Variants in GLT1D1 observed in about 807,000 individuals in gnomAD.
GLT1D1 encodes the protein glycosyltransferase 1 domain-containing protein 1.
A neutral mutation model predicts 28.7 loss-of-function variants in GLT1D1; 21 were observed. The observed-to-expected ratio is 0.73, with a 90% CI of 0.52 to 1.05. The LOEUF is 1.05. GLT1D1 is among the 50% of genes least tolerant of loss of function. GLT1D1 has a pLI of 0.00. For synonymous variants in GLT1D1, 147 were observed against 124.8 expected (o/e 1.18, Z -1.19); for missense variants, 343 against 330.6 (o/e 1.04, Z -0.29).
At chr12:128,944,958 C>T (rs547254813) in intron 4 of GLT1D1, 17 of 548,166 alleles carry the variant, frequency 3.1e-5, no homozygotes, top group South Asian at 1.6e-4. Context: ...GCCCCCGACC[C>T]CCAACAGGCC....
chr12:128,929,838 T>C (rs929353091), intron 4 of GLT1D1, among the ~76,000 whole-genome samples: 3 of 152,292 alleles, frequency 2.0e-5, no homozygotes, highest in Admixed American at 6.5e-5. Flanking sequence ...TAGCCAGGCA[T>C]GGTGGCCTGC....
intron 6 of GLT1D1, among the ~76,000 whole-genome samples, chr12:128,948,480 C>G (rs1327682232): frequency 6.6e-6 from 1 of 152,142 alleles, no homozygotes; most frequent in African/African-American, 2.4e-5. Flanking sequence ...AGCACACACA[C>G]TGCACACGAC....
At chr12:128,884,681 G>A (rs1345446533) in intron 2 of GLT1D1, among the ~76,000 whole-genome samples, 1 of 151,998 alleles carries the variant, frequency 6.6e-6, no homozygotes, top group Non-Finnish European at 1.5e-5. Context: ...TGGGCATGGT[G>A]GCACTGCCTG....
In GLT1D1 at chr12:128,888,422, C is replaced by T. The variant is rs1042710741; in HGVS notation, c.218-217C>T. Among the ~76,000 whole-genome samples the T allele has an allele frequency of 4.6e-5, 7 of 152,240 alleles. No individual in the cohort carries two copies. The South Asian group carries it at 1.0e-3, about 23-fold the overall frequency. ...TGAATTAATTGAAAGATAGCCCTGA[C>T]GACAGTGGTTGGGGCCTCCCGTGAT... On this transcript the variant is annotated intron_variant, in intron 2 of 7. Coordinates refer to ENST00000281703, the MANE Select transcript of GLT1D1 (RefSeq NM_144669.3).
intron 4 of GLT1D1, among the ~76,000 whole-genome samples, chr12:128,908,323 C>CTTCTTTCTTTCTTTCT (rs200053987): frequency 0.02 from 2,922 of 146,874 alleles, 51 homozygotes; most frequent in Middle Eastern, 0.06. Context: ...TTTTACTTTC[C>CTTCTTTCTTTCTTTCT]TTCTTTCTTT....
intron 4 of GLT1D1, chr12:128,944,332 C>T (rs62621131): frequency 0.035 from 25,732 of 738,800 alleles, 606 homozygotes; most frequent in Middle Eastern, 0.057. Context: ...AGCATATCCA[C>T]AGGGCCAAAT....
At chr12:128,945,504 G>C in intron 5 of GLT1D1, 135 bp downstream of exon 9, 2 of 769,670 alleles carry the variant, frequency 2.6e-6, no homozygotes, top group Non-Finnish European at 4.7e-6. Flanking sequence ...CATCTTCCCG[G>C]CGAGCCCGTG....
chr12:128,926,237 A>ATAAT lies in GLT1D1; in HGVS notation c.376-19089_376-19088insTAAT, dbSNP rs1402574124. 1,878 of 284,512 alleles carry ATAAT rather than the reference A, an allele frequency of 6.6e-3. 42 individuals carry two copies. Among genetic ancestry groups the ATAAT allele is most frequent in the African/African-American group, 0.041 (1,691 of 41,328 alleles). The allele number at this position is 284,512 out of a possible 1,614,324, so 17.6% of individuals were successfully genotyped here. A position where few individuals can be genotyped will look rare whatever the true frequency, so the allele number is the denominator to read the frequency against. On this transcript the variant is annotated intron_variant, in intron 4 of 7. Transcript: ENST00000281703. ...AATAATAATAATAATAATAATAATA[A>ATAAT]GAGTAGGAGAAGCTGGCCTCGAAGT...
chr12:128,965,223 A>C (rs1358922894), intron 7 of GLT1D1, among the ~76,000 whole-genome samples: 1 of 152,268 alleles, frequency 6.6e-6, no homozygotes, highest in East Asian at 1.9e-4. Flanking sequence ...CAAGGACAGA[A>C]GAATTCAGAG....
At chr12:128,876,487 T>G (rs978853313) in intron 2 of GLT1D1, among the ~76,000 whole-genome samples, 3 of 147,682 alleles carry the variant, frequency 2.0e-5, no homozygotes, top group South Asian at 2.2e-4. Flanking sequence ...TAAATTTTTG[T>G]TTTTTTTTTC....
At chr12:128,958,835 T>A (rs1877591247) in intron 7 of GLT1D1, among the ~76,000 whole-genome samples, 1 of 63,786 alleles carries the variant, frequency 1.6e-5, no homozygotes, top group African/African-American at 4.3e-5. Context: ...AAAATCTTTT[T>A]TTTTTTTTTT....
chr12:128,971,102 G>C (rs780109095), intron 7 of GLT1D1, among the ~76,000 whole-genome samples: 1 of 152,110 alleles, frequency 6.6e-6, no homozygotes, highest in Admixed American at 6.6e-5. Context: ...CAGTCATCCC[G>C]CCCAATCATT....
At position 128,918,529 on chromosome 12, in the gene GLT1D1, C is replaced by T. The variant is rs73416717; in HGVS notation, c.375+19242C>T. Among the ~76,000 whole-genome samples the T allele has an allele frequency of 3.8e-3, 580 of 152,290 alleles. 6 individuals carry two copies. The highest frequency in any genetic ancestry group is 0.013 in the African/African-American group (540 of 41,564). On this transcript the variant is annotated intron_variant, in intron 4 of 7. Transcript: ENST00000281703. Reference sequence around the variant, plus strand: ...CTTGAAACAAAGCCTCTACCACATACTCTATGTCAGTATTAAGTTCTATTG... The same window carrying T: ...CTTGAAACAAAGCCTCTACCACATATTCTATGTCAGTATTAAGTTCTATTG...
intron 4 of GLT1D1, among the ~76,000 whole-genome samples, chr12:128,932,989 G>T (rs1221993355): frequency 6.6e-6 from 1 of 152,122 alleles, no homozygotes; most frequent in Non-Finnish European, 1.5e-5. Context: ...ATTTATTCTG[G>T]ACTCCCCCGG....
chr12:128,982,801 A>G (rs1388346936), intron 7 of GLT1D1, 128 bp from the exon 12 acceptor site: 3 of 718,872 alleles, frequency 4.2e-6, no homozygotes, highest in Non-Finnish European at 7.1e-6. Context: ...CCTAAAAGTC[A>G]CTCTCTCCAG....
At chr12:128,922,661 G>T (rs1229616941) in intron 4 of GLT1D1, among the ~76,000 whole-genome samples, 1 of 152,154 alleles carries the variant, frequency 6.6e-6, no homozygotes, top group Non-Finnish European at 1.5e-5. Context: ...GGTGGCTCAT[G>T]CCTGTAATCC....
At chr12:128,868,320 G>A (rs949962694) in intron 1 of GLT1D1, among the ~76,000 whole-genome samples, 1 of 152,160 alleles carries the variant, frequency 6.6e-6, no homozygotes, top group African/African-American at 2.4e-5. Context: ...GTGGAGAGCC[G>A]GATGTTTTGA....
Position 128,884,296 on chromosome 12 carries a change from AC to A in GLT1D1, c.218-4342del, listed in dbSNP as rs143045327. Among the ~76,000 whole-genome samples the A allele has an allele frequency of 3.7e-3, 558 of 152,348 alleles. 2 individuals are homozygous for A. Among genetic ancestry groups the A allele is most frequent in the African/African-American group, 0.013 (531 of 41,592 alleles). On this transcript the variant is annotated intron_variant, in intron 2 of 7. Transcript: ENST00000281703. ...TAATGCGAAATACAATAAGCCAGTC[AC>A]AGAAATACAAATACCACATGGTTCT...
In GLT1D1 at chr12:128,875,995, C is replaced by G. The variant is rs748997146; in HGVS notation, c.150C>G (p.Leu50=). 1.2e-6 allele frequency: 2 copies of G among 1,614,002 alleles called. No individual in the cohort carries two copies. The highest frequency in any genetic ancestry group is 3.3e-5 in the Admixed American group (2 of 60,024). ...AAAGCCGATCTGAGATTGCAAACCT[C>G]ATCTTGGCTGAGAACTGCGAGGCTG... Residue 50 remains leucine, a synonymous_variant, in exon 2 of 8, where the codon CTC becomes CTG. Transcript: ENST00000281703.
Sources: gnomAD v4.1 joint callset for allele counts (sites outside exome capture counted in the v4.1 genomes callset) on GRCh38, gnomAD v4.1.1 for gene constraint, MANE v1.5 for transcripts, NCBI Gene and HGNC (gene_info 2026-07-23, HGNC 2026-07-21) for gene names.